FGGY: variants seen among roughly 807,000 people sequenced by gnomAD.
FGGY encodes FGGY carbohydrate kinase domain containing.
A neutral mutation model predicts 71.3 loss-of-function variants in FGGY; 72 were observed. That is an observed-to-expected ratio of 1.01 (90% CI 0.84 to 1.23). The LOEUF (loss-of-function observed/expected upper bound fraction) is 1.23. FGGY is among the 50% of genes most tolerant of loss of function. The probability of loss-of-function intolerance (pLI) is 0.00; values close to 1 mark genes in which losing one functional copy is unlikely to be tolerated. For synonymous variants in FGGY, 251 were observed against 250.3 expected, an observed-to-expected ratio of 1.00 and a Z score of -0.02; for missense variants, 668 against 682.3, an observed-to-expected ratio of 0.98 and a Z score of 0.23.
chr1:59,558,099 T>C (rs1393046671), intron 8 of FGGY, among the ~76,000 whole-genome samples: 1 of 152,228 alleles, frequency 6.6e-6, no homozygotes, highest in Non-Finnish European at 1.5e-5. Flanking sequence ...TGCCTCAGTT[T>C]CTGCATCTGT....
At chr1:59,610,069 A>T (rs2096659728) in intron 9 of FGGY, among the ~76,000 whole-genome samples, 1 of 152,220 alleles carries the variant, frequency 6.6e-6, no homozygotes. Context: ...GTACTTAGTC[A>T]ACTTATTTTA....
At chr1:59,572,807 A>G (rs1378145408) in intron 8 of FGGY, among the ~76,000 whole-genome samples, 1 of 152,202 alleles carries the variant, frequency 6.6e-6, no homozygotes, top group East Asian at 1.9e-4. Flanking sequence ...GCTGCTCCCC[A>G]GTGAGTAGAG....
intron 7 of FGGY, among the ~76,000 whole-genome samples, chr1:59,521,111 G>C (rs2094819292): frequency 6.6e-6 from 1 of 152,204 alleles, no homozygotes; most frequent in African/African-American, 2.4e-5. Flanking sequence ...TCCCTGAGCA[G>C]ATAGAGCAAG....
At chr1:59,726,709 T>G (rs1210547920) in intron 14 of FGGY, among the ~76,000 whole-genome samples, 2 of 152,168 alleles carry the variant, frequency 1.3e-5, no homozygotes, top group African/African-American at 4.8e-5. Flanking sequence ...TAGTTGCCAA[T>G]GTTAGTAATT....
intron 10 of FGGY, among the ~76,000 whole-genome samples, chr1:59,632,523 C>T (rs114311173): frequency 0.017 from 2,599 of 152,106 alleles, 31 homozygotes; most frequent in Non-Finnish European, 0.028. Flanking sequence ...CTCTATATCG[C>T]GAATCGCAGA....
intron 5 of FGGY, chr1:59,393,154 C>T (rs1002027727): frequency 1.3e-5 from 2 of 152,210 alleles, no homozygotes; most frequent in Non-Finnish European, 2.9e-5. Flanking sequence ...CCTCTTCTCC[C>T]CAACCCTGCC....
chr1:59,737,800 G>A (rs182679064), intron 14 of FGGY, among the ~76,000 whole-genome samples: 3 of 152,264 alleles, frequency 2.0e-5, no homozygotes, highest in African/African-American at 4.8e-5. Context: ...AGGGACTTTT[G>A]GGAAGGCATG....
chr1:59,372,620 A>C (rs1179181744), intron 4 of FGGY, among the ~76,000 whole-genome samples: 1 of 152,228 alleles, frequency 6.6e-6, no homozygotes, highest in African/African-American at 2.4e-5. Context: ...AGAGAATTTT[A>C]GACCAATATC....
intron 7 of FGGY, among the ~76,000 whole-genome samples, chr1:59,543,517 T>G (rs1037556585): frequency 1.3e-5 from 2 of 152,182 alleles, no homozygotes; most frequent in African/African-American, 4.8e-5. Context: ...TTGGCCTGGT[T>G]TTGGCTCTCA....
intron 6 of FGGY, among the ~76,000 whole-genome samples, chr1:59,489,763 T>A (rs1473638344): frequency 6.6e-6 from 1 of 152,184 alleles, no homozygotes; most frequent in East Asian, 1.9e-4. Flanking sequence ...ATATATTAGT[T>A]CTGTTTGTAG....
intron 1 of FGGY, among the ~76,000 whole-genome samples, chr1:59,314,563 G>A (rs1023231100): frequency 1.3e-5 from 2 of 152,228 alleles, no homozygotes; most frequent in African/African-American, 2.4e-5. Flanking sequence ...AGAGACATCA[G>A]TGAAGAGACT....
At chr1:59,409,568 C>G (rs1358647404) in intron 5 of FGGY, among the ~76,000 whole-genome samples, 1 of 149,218 alleles carries the variant, frequency 6.7e-6, no homozygotes, top group African/African-American at 2.5e-5. Context: ...TCAACTAACC[C>G]TTATTGCAAG....
chr1:59,699,019 TG>T, intron 14 of FGGY: 1 of 985,418 alleles, frequency 1.0e-6, no homozygotes, highest in South Asian at 4.7e-5. Context: ...TTATAGCTTT[TG>T]GTTGAATATC....
At chr1:59,389,137 A>C (rs901010795) in intron 5 of FGGY, among the ~76,000 whole-genome samples, 2 of 152,092 alleles carry the variant, frequency 1.3e-5, no homozygotes, top group African/African-American at 4.8e-5. Context: ...TAGTAGAGAC[A>C]GGGTTTCACC....
At chr1:59,421,209 T>C (rs1412455512) in intron 5 of FGGY, among the ~76,000 whole-genome samples, 1 of 152,166 alleles carries the variant, frequency 6.6e-6, no homozygotes, top group Non-Finnish European at 1.5e-5. Context: ...ACTCGTGGTG[T>C]GTCACCCTTA....
intron 14 of FGGY, chr1:59,699,541 A>G (rs1292691515): frequency 2.5e-6 from 1 of 398,568 alleles, no homozygotes; most frequent in Non-Finnish European, 3.4e-6. Context: ...GCTGATGGAG[A>G]AAGAAGGCAA....
At chr1:59,557,253 G>A (rs2095704999) in intron 8 of FGGY, among the ~76,000 whole-genome samples, 1 of 152,024 alleles carries the variant, frequency 6.6e-6, no homozygotes, top group Non-Finnish European at 1.5e-5. Flanking sequence ...GGGTGATGCG[G>A]GCTTTTCAAA....
intron 5 of FGGY, among the ~76,000 whole-genome samples, chr1:59,456,694 T>C (rs973092652): frequency 9.9e-5 from 15 of 152,158 alleles, no homozygotes; most frequent in Admixed American, 2.0e-4. Context: ...GTGATCTGCC[T>C]GCCTTGGCCT....
intron 15 of FGGY, among the ~76,000 whole-genome samples, chr1:59,760,960 A>G (rs554669345): frequency 7.2e-5 from 11 of 152,376 alleles, no homozygotes; most frequent in South Asian, 2.1e-4. Flanking sequence ...TTGGATGCTC[A>G]TAGAGTAGGT....
Sources: gnomAD v4.1 joint callset for allele counts (sites outside exome capture counted in the v4.1 genomes callset) on GRCh38, gnomAD v4.1.1 for gene constraint, MANE v1.5 for transcripts, NCBI Gene and HGNC (gene_info 2026-07-23, HGNC 2026-07-21) for gene names.